The following USH2A variants were observed in gnomAD, a reference collection of about 807,000 sequenced individuals.
USH2A encodes the protein Usher syndrome 2A (autosomal recessive, mild).
Under a neutral mutation model 538.9 loss-of-function variants are expected in USH2A, and 443 were observed. That is an observed-to-expected ratio of 0.82 (90% CI 0.76 to 0.89). The LOEUF (loss-of-function observed/expected upper bound fraction) is 0.89, where lower values mean the gene tolerates loss of function less well. USH2A is among the 40% of genes least tolerant of loss of function. USH2A has a pLI of 0.00. For missense variants in USH2A, 6,633 were observed against 6,324.8 expected, an observed-to-expected ratio of 1.05 and a Z score of -1.65; for synonymous variants, 2,413 against 2,273.5, an observed-to-expected ratio of 1.06 and a Z score of -1.75.
At chr1:215,644,315 G>C (rs922580317) in intron 67 of USH2A, among the ~76,000 whole-genome samples, 30 of 152,260 alleles carry the variant, frequency 2.0e-4, no homozygotes, top group African/African-American at 6.0e-4. Flanking sequence ...AAATTCAGAG[G>C]GAGATGTCTG....
chr1:215,866,571 C>T (rs532572633), intron 44 of USH2A, among the ~76,000 whole-genome samples: 29 of 152,194 alleles, frequency 1.9e-4, no homozygotes, highest in East Asian at 5.8e-4. Flanking sequence ...TAATGAGCGA[C>T]GAGTTACAAG....
intron 3 of USH2A, among the ~76,000 whole-genome samples, chr1:216,409,476 A>G (rs1001868575): frequency 6.6e-6 from 1 of 152,180 alleles, no homozygotes; most frequent in African/African-American, 2.4e-5. Flanking sequence ...CTTGACTGCA[A>G]ACTATACTAC....
chr1:216,094,699 T>A (rs2032396140), intron 22 of USH2A, among the ~76,000 whole-genome samples: 1 of 152,202 alleles, frequency 6.6e-6, no homozygotes. Context: ...AGATGGATTT[T>A]TTTTTTCTGA....
chr1:215,969,312 C>T (rs563372720), intron 36 of USH2A, among the ~76,000 whole-genome samples: 6 of 152,236 alleles, frequency 3.9e-5, no homozygotes, highest in African/African-American at 1.2e-4. Context: ...GGTTTTACAA[C>T]CCAATTCTAT....
At chr1:216,175,753 TA>T (rs1338526105) in intron 20 of USH2A, among the ~76,000 whole-genome samples, 3 of 152,328 alleles carry the variant, frequency 2.0e-5, no homozygotes, top group Middle Eastern at 3.4e-3. Flanking sequence ...TCTTTTTAGC[TA>T]AATAATAGAT....
chr1:216,216,852 T>C (rs548169354), intron 15 of USH2A, among the ~76,000 whole-genome samples: 1 of 152,100 alleles, frequency 6.6e-6, no homozygotes, highest in African/African-American at 2.4e-5. Context: ...ACATGAATTA[T>C]GGGATGAATA....
At chr1:216,231,157 TATAA>T (rs1049084923) in intron 14 of USH2A, among the ~76,000 whole-genome samples, 2 of 141,034 alleles carry the variant, frequency 1.4e-5, no homozygotes, top group African/African-American at 5.3e-5. Flanking sequence ...GCAAGGAAAA[TATAA>T]ATAGATGCAA....
At position 216,422,326 on chromosome 1, in the gene USH2A, G is replaced by C; in HGVS notation, c.11C>G (p.Pro4Arg). The C allele has an allele frequency of 6.2e-7, 1 of 1,613,654 alleles. No individual in the cohort carries two copies. Among genetic ancestry groups the C allele is most frequent in the Non-Finnish European group, 8.5e-7 (1 of 1,179,804 alleles). MNC[P>R]VLSLGSGFLF... ...GAAGCCAGAGCCCAATGAAAGAACT[G>C]GGCAATTCATGTTTACAAAAAAGCA... The change falls in exon 2 of 72, where the codon CCA (proline) becomes CGA (arginine). Residue 4 changes from proline (P) to arginine (R), a missense_variant. Transcript: ENST00000307340.
intron 40 of USH2A, among the ~76,000 whole-genome samples, chr1:215,890,199 C>A (rs1279941375): frequency 1.3e-5 from 2 of 152,094 alleles, no homozygotes; most frequent in Non-Finnish European, 2.9e-5. Flanking sequence ...CTGCCCACAG[C>A]AATTTTGACA....
At chr1:215,769,988 G>C (rs1029481533) in intron 55 of USH2A, among the ~76,000 whole-genome samples, 7 of 152,186 alleles carry the variant, frequency 4.6e-5, no homozygotes, top group Non-Finnish European at 1.0e-4. Flanking sequence ...AATGGACCAT[G>C]TGGGCAAAGG....
chr1:216,117,227 G>T (rs1479108963), intron 21 of USH2A, among the ~76,000 whole-genome samples: 8 of 152,004 alleles, frequency 5.3e-5, no homozygotes. Flanking sequence ...CTCCTTCCAG[G>T]CCAAGGAATA....
Position 215,629,053 on chromosome 1 carries a change from G to GT in USH2A, c.15298-19dup, listed in dbSNP as rs2102625440. 6.2e-7 allele frequency: 1 copy of GT among 1,608,590 alleles called. No homozygotes were observed. Among genetic ancestry groups the GT allele is most frequent in the Non-Finnish European group, 8.5e-7 (1 of 1,176,544 alleles). On this transcript the variant is annotated intron_variant, in intron 70 of 71. Coordinates refer to ENST00000307340, the MANE Select transcript of USH2A (RefSeq NM_206933.4). ...GCTAACCCCTGAGAAGGAAGTTGCT[G>GT]TGAGTATTTCACATATAAAGAATAT...
At chr1:216,347,579 T>C (rs2038202748) in intron 4 of USH2A, among the ~76,000 whole-genome samples, 1 of 152,132 alleles carries the variant, frequency 6.6e-6, no homozygotes, top group African/African-American at 2.4e-5. Context: ...TTCTTTGGAC[T>C]GTATTTGTAA....
rs1339125279 is a variant in USH2A at position 215,625,738 on chromosome 1, C to T, written c.*43G>A. The T allele has an allele frequency of 1.9e-6, 3 of 1,572,262 alleles. No homozygotes were observed. The highest frequency in any genetic ancestry group is 2.6e-6 in the Non-Finnish European group (3 of 1,141,946). On this transcript the variant is annotated 3_prime_UTR_variant, in exon 72 of 72. Transcript: ENST00000307340. The stretch of plus-strand genomic sequence containing the variant: ...GTGATAACCCAGGAGGAAATGGGTG[C>T]AGACCTTGCATTCCAGGGTTACGTC...
Position 215,844,312 on chromosome 1 carries a change from G to T in USH2A, c.9240C>A (p.Phe3080Leu), listed in dbSNP as rs397518044. ...GSFILRDLSP[F>L]TIYDIQVEVC... ...TTCTAACCTGAATGTCATAGATAGT[G>T]AAGGGAGACAGGTCTCTCAGAATAA... Residue 3080 changes from phenylalanine (F) to leucine (L), a missense_variant, in exon 46 of 72, where the codon TTC becomes TTA. Coordinates refer to ENST00000307340, the MANE Select transcript of USH2A (RefSeq NM_206933.4). 3.5e-5 allele frequency: 57 copies of T among 1,613,528 alleles called. No individual in the cohort carries two copies. Among genetic ancestry groups the T allele is most frequent in the Non-Finnish European group, 4.7e-5 (56 of 1,179,782 alleles).
intron 61 of USH2A, among the ~76,000 whole-genome samples, chr1:215,711,890 A>G (rs1361885621): frequency 6.6e-6 from 1 of 152,192 alleles, no homozygotes; most frequent in Non-Finnish European, 1.5e-5. Context: ...TGTGGGGCTA[A>G]TATAATTTTC....
chr1:216,207,671 T>TA (rs1468722630), intron 15 of USH2A, among the ~76,000 whole-genome samples: 12 of 149,800 alleles, frequency 8.0e-5, no homozygotes, highest in Non-Finnish European at 5.9e-5. Context: ...TAGTTGGGGG[T>TA]AAAAAACCAC....
At chr1:216,181,866 C>T (rs923241122) in intron 20 of USH2A, among the ~76,000 whole-genome samples, 1 of 152,094 alleles carries the variant, frequency 6.6e-6, no homozygotes, top group South Asian at 2.1e-4. Flanking sequence ...ACTACAGTTA[C>T]AGTTAATGCA....
At chr1:216,280,861 T>C (rs910173213) in intron 11 of USH2A, among the ~76,000 whole-genome samples, 1 of 152,196 alleles carries the variant, frequency 6.6e-6, no homozygotes, top group Admixed American at 6.6e-5. Flanking sequence ...CATTCCTAAG[T>C]TATTATAACA....
Sources: gnomAD v4.1 joint callset for allele counts (sites outside exome capture counted in the v4.1 genomes callset) on GRCh38, gnomAD v4.1.1 for gene constraint, MANE v1.5 for transcripts, NCBI Gene and HGNC (gene_info 2026-07-23, HGNC 2026-07-21) for gene names.